The following ALG13 variants were observed in gnomAD, a reference collection of about 807,000 sequenced individuals.
ALG13 encodes UDP-N-acetylglucosamine transferase subunit ALG13.
In ALG13, 11 loss-of-function variants were observed where a neutral mutation model predicts 87.8. That is an observed-to-expected ratio of 0.13 (90% CI 0.08 to 0.21). The LOEUF is 0.21. Ranked by LOEUF, ALG13 falls within the 10% of genes least tolerant of loss-of-function variation. ALG13 has a pLI of 1.00. For missense variants in ALG13, 756 were observed against 866.1 expected, an observed-to-expected ratio of 0.87 and a Z score of 1.60; for synonymous variants, 320 against 306.3, an observed-to-expected ratio of 1.04 and a Z score of -0.47.
intron 7 of ALG13, 75 bp from the exon 8 acceptor site, chrX:111,713,150 A>T (rs868548817): frequency 7.8e-6 from 5 of 640,174 alleles, no homozygotes; most frequent in Middle Eastern, 6.3e-4. Flanking sequence ...TAAAAGCACA[A>T]ATAGTTGTTC....
At chrX:111,751,766 C>A (rs1370313160) in intron 24 of ALG13, among the ~76,000 whole-genome samples, 2 of 111,185 alleles carry the variant, frequency 1.8e-5, no homozygotes, top group East Asian at 5.6e-4. Flanking sequence ...TGTAGGGAGT[C>A]TCCAACTTAA....
At chrX:111,748,626 C>A (rs777158642) in intron 24 of ALG13, among the ~76,000 whole-genome samples, 7 of 111,881 alleles carry the variant, frequency 6.3e-5, no homozygotes, top group Admixed American at 2.8e-4. Flanking sequence ...TGCAGACGTT[C>A]TCTGCATATT....
In ALG13 at chrX:111,728,269, T is replaced by A. The variant is rs755678773; in HGVS notation, c.2332T>A (p.Leu778Met). ...RRGHSSGKQT[L>M]NLEEGNGQSE... ...GGGACATAGCTCAGGCAAACAGACT[T>A]TGAATTTAGAGGAGGGCAATGGCCA... The change falls in exon 19 of 27, where the codon TTG (leucine) becomes ATG (methionine). Residue 778 changes from leucine (L) to methionine (M), a missense_variant. By Grantham distance (15) the Leu-to-Met change is conservative (BLOSUM62 2). Coordinates refer to ENST00000394780, the MANE Select transcript of ALG13 (RefSeq NM_001099922.3). 8.3e-7 allele frequency: 1 copy of A among 1,209,777 alleles called. No homozygotes were observed. The highest frequency in any genetic ancestry group is 1.7e-5 in the African/African-American group (1 of 57,200).
intron 23 of ALG13, 68 bp downstream of exon 23, chrX:111,736,947 T>G: frequency 5.6e-6 from 5 of 895,658 alleles, no homozygotes; most frequent in Non-Finnish European, 7.7e-6. Flanking sequence ...CATCCAGCTG[T>G]TCTGGTAATT....
intron 3 of ALG13, among the ~76,000 whole-genome samples, chrX:111,706,450 C>A (rs1302737147): frequency 8.9e-6 from 1 of 112,762 alleles, no homozygotes; most frequent in Non-Finnish European, 1.9e-5. Flanking sequence ...TCCAGTGTTA[C>A]AGTTTCTTTA....
intron 5 of ALG13, among the ~76,000 whole-genome samples, chrX:111,710,527 C>A (rs1057287135): frequency 1.8e-5 from 2 of 111,385 alleles, no homozygotes; most frequent in African/African-American, 6.5e-5. Context: ...AGAAAAAATA[C>A]AAGCCAATCT....
At chrX:111,689,539 G>A (rs1935757155) in intron 3 of ALG13, 1 of 751,605 alleles carries the variant, frequency 1.3e-6, no homozygotes, top group African/African-American at 2.3e-5. Context: ...TTAAGCCGTT[G>A]TTGTCAATTG....
intron 5 of ALG13, 143 bp from the exon 6 acceptor site, chrX:111,711,532 C>T (rs1390294942): frequency 2.1e-6 from 1 of 465,637 alleles, no homozygotes; most frequent in Admixed American, 4.6e-5. Context: ...ATGTGCAAAT[C>T]TTCTTGAGGT....
At chrX:111,714,201 T>C (rs1187144038) in intron 8 of ALG13, 1 of 111,144 alleles carries the variant, frequency 9.0e-6, no homozygotes, top group Non-Finnish European at 1.9e-5. Flanking sequence ...TTTTCTGAGC[T>C]TTGGGGACAC....
intron 23 of ALG13, 132 bp from the exon 24 acceptor site, chrX:111,744,536 G>T: frequency 1.4e-6 from 1 of 722,311 alleles, no homozygotes; most frequent in Non-Finnish European, 2.0e-6. Context: ...CACTGTCCAA[G>T]TTTTTTTTAT....
chrX:111,724,193 A>C (rs980916942), intron 14 of ALG13, among the ~76,000 whole-genome samples: 6 of 112,316 alleles, frequency 5.3e-5, no homozygotes, highest in African/African-American at 1.9e-4. Flanking sequence ...TTGAATTAAT[A>C]ACTGAGCCTC....
chrX:111,687,816 C>A, intron 3 of ALG13: 1 of 953,598 alleles, frequency 1.0e-6, no homozygotes, highest in South Asian at 2.6e-5. Flanking sequence ...TAGATTCAGT[C>A]ATCAGTGGGC....
chrX:111,735,157 G>C, intron 22 of ALG13, 35 bp downstream of exon 22: 1 of 892,169 alleles, frequency 1.1e-6, no homozygotes, highest in East Asian at 3.2e-5. Context: ...AGTTACAATG[G>C]CCTGAACACA....
In ALG13 at chrX:111,736,843, C is replaced by T. The variant is rs1296350159; in HGVS notation, c.2659C>T (p.Pro887Ser). ...AGTTTCCTCACAGAATGCTATACAG[C>T]CTCTCTTTGTATCTCCACCTACACA... Reference protein sequence around the residue: ...TSVSSQNAIQPLFVSPPTHGR... With the variant: ...TSVSSQNAIQSLFVSPPTHGR... Residue 887 changes from proline to serine, a missense_variant, in exon 23 of 27, where the codon CCT (proline) becomes TCT (serine). Pro to Ser is a moderately conservative substitution (Grantham distance 74). Around this residue, in one of 9 missense-constraint regions of ALG13, gnomAD observed 362 missense variants for 383.5 expected, o/e 0.94. Coordinates refer to ENST00000394780, the MANE Select transcript of ALG13 (RefSeq NM_001099922.3). 1 of 1,209,346 alleles carries T rather than the reference C, an allele frequency of 8.3e-7. No homozygotes were observed. The highest frequency in any genetic ancestry group is 1.1e-6 in the Non-Finnish European group (1 of 894,301).
chrX:111,755,473 G>T (rs773885811), intron 25 of ALG13, among the ~76,000 whole-genome samples: 21 of 112,138 alleles, frequency 1.9e-4, no homozygotes, highest in Non-Finnish European at 3.4e-4. Context: ...CACAGAAAAA[G>T]AACCTATCAG....
At chrX:111,710,755 G>A (rs1370767501) in intron 5 of ALG13, among the ~76,000 whole-genome samples, 1 of 112,108 alleles carries the variant, frequency 8.9e-6, no homozygotes, top group Non-Finnish European at 1.9e-5. Flanking sequence ...GGAGTGCAGT[G>A]GCACGATCTC....
chrX:111,687,818 T>C (rs1238002337), intron 3 of ALG13: 29 of 973,745 alleles, frequency 3.0e-5, no homozygotes, highest in Non-Finnish European at 3.9e-5. Context: ...GATTCAGTCA[T>C]CAGTGGGCAG....
At chrX:111,758,918 G>A (rs994023203) in intron 26 of ALG13, among the ~76,000 whole-genome samples, 2 of 111,426 alleles carry the variant, frequency 1.8e-5, no homozygotes, top group Admixed American at 9.6e-5. Flanking sequence ...TGCCAGGGTT[G>A]TTATAAGAAC....
chrX:111,740,326 T>A (rs1292594924), intron 23 of ALG13, among the ~76,000 whole-genome samples: 1 of 111,174 alleles, frequency 9.0e-6, no homozygotes, highest in African/African-American at 3.3e-5. Context: ...TGAACCAGGA[T>A]TCTTAGTGTG....
Sources: allele counts gnomAD v4.1 joint callset (sites outside exome capture counted in the v4.1 genomes callset), GRCh38; gene constraint gnomAD v4.1.1; regional missense constraint gnomAD v4.1.1; transcripts MANE v1.5; gene names NCBI Gene and HGNC (gene_info 2026-07-23, HGNC 2026-07-21).